NR1H4: variants seen among roughly 807,000 people sequenced by gnomAD.
NR1H4 encodes the protein bile acid receptor.
In NR1H4, 23 loss-of-function variants were observed where a neutral mutation model predicts 58.5. The ratio of observed to expected loss-of-function variants is 0.39; its 90% CI spans 0.28 to 0.56. NR1H4 has a LOEUF of 0.56. NR1H4 is among the 20% of genes least tolerant of loss of function. The pLI, the probability that NR1H4 is intolerant of heterozygous loss-of-function variation, is 0.58. For synonymous variants in NR1H4, 214 were observed against 198.0 expected, an observed-to-expected ratio of 1.08 and a Z score of -0.68; for missense variants, 487 against 576.9, an observed-to-expected ratio of 0.84 and a Z score of 1.60.
chr12:100,475,474 C>G (rs886174241), intron 1 of NR1H4, among the ~76,000 whole-genome samples: 7 of 152,160 alleles, frequency 4.6e-5, no homozygotes, highest in African/African-American at 1.7e-4. Context: ...TACCTCTGCC[C>G]TCTCCTCACA....
rs1202247442 is a variant in NR1H4 at position 100,563,640 on chromosome 12, A to AAT, written c.*154_*155dup. The AAT allele has an allele frequency of 2.1e-5, 15 of 702,782 alleles. 1 individual carries two copies. In the East Asian group the frequency reaches 2.5e-4, roughly 12 times the overall value. The allele number at this position is 702,782 out of a possible 1,614,324, so 43.5% of individuals were successfully genotyped here. A position where few individuals can be genotyped will look rare whatever the true frequency, so the allele number is the denominator to read the frequency against. On this transcript the variant is annotated 3_prime_UTR_variant, in exon 11 of 11. Coordinates refer to ENST00000392986, the MANE Select transcript of NR1H4 (RefSeq NM_001206979.2). ...TACATGTGTAACTTCCACAACTGTAAATATTGGGCTAGATAGAACAACTTT... is the reference window on the plus strand; with the variant it reads ...TACATGTGTAACTTCCACAACTGTAAATATATTGGGCTAGATAGAACAACTTT...
intron 1 of NR1H4, among the ~76,000 whole-genome samples, chr12:100,476,835 TATG>T (rs1332481879): frequency 6.6e-6 from 1 of 152,122 alleles, no homozygotes; most frequent in Non-Finnish European, 1.5e-5. Context: ...TGCAGTGAGC[TATG>T]ATAATGCCAC....
chr12:100,495,517 G>C (rs1374372943), intron 3 of NR1H4, among the ~76,000 whole-genome samples: 7 of 152,068 alleles, frequency 4.6e-5, no homozygotes, highest in African/African-American at 1.7e-4. Flanking sequence ...TGGATCACGA[G>C]GTCAGGAGAT....
In NR1H4 at chr12:100,543,981, G is replaced by T. The variant is rs113639003; in HGVS notation, c.1078+3163G>T. ...AAGAAAATCCCAGTTGGCCGGGTGC[G>T]GTGGCTCACGCCTCTAATCCCAGCA... On this transcript the variant is annotated intron_variant, in intron 9 of 10. Coordinates refer to ENST00000392986, the MANE Select transcript of NR1H4 (RefSeq NM_001206979.2). 9.2e-5 allele frequency among the ~76,000 whole-genome samples: 14 copies of T among 152,174 alleles called. 1 individual carries two copies. Among genetic ancestry groups the T allele is most frequent in the African/African-American group, 3.4e-4 (14 of 41,524 alleles).
At chr12:100,520,086 C>G (rs1461843282) in intron 4 of NR1H4, among the ~76,000 whole-genome samples, 1 of 152,118 alleles carries the variant, frequency 6.6e-6, no homozygotes, top group Non-Finnish European at 1.5e-5. Context: ...ATGCCTCATG[C>G]CTGCAGGTCT....
chr12:100,515,612 G>A (rs1010425267), intron 4 of NR1H4, among the ~76,000 whole-genome samples: 8 of 152,220 alleles, frequency 5.3e-5, no homozygotes, highest in African/African-American at 1.4e-4. Flanking sequence ...TTAAAGACTG[G>A]CATAAAATAA....
intron 4 of NR1H4, among the ~76,000 whole-genome samples, chr12:100,513,229 G>T (rs186873287): frequency 1.3e-5 from 2 of 152,260 alleles, no homozygotes; most frequent in East Asian, 1.9e-4. Context: ...TAGTAAATAT[G>T]GAATGTCTTT....
intron 8 of NR1H4, 82 bp downstream of exon 8, chr12:100,537,129 G>C: frequency 1.1e-6 from 1 of 890,596 alleles, no homozygotes; most frequent in Non-Finnish European, 1.8e-6. Context: ...TTTACATACG[G>C]TGTTTTAATT....
chr12:100,526,433 G>A (rs1036232496), intron 4 of NR1H4, among the ~76,000 whole-genome samples: 3 of 151,932 alleles, frequency 2.0e-5, no homozygotes, highest in Admixed American at 2.0e-4. Context: ...TGCATTATGT[G>A]TAACCTTTTA....
At chr12:100,534,452 G>A (rs1251613346) in intron 5 of NR1H4, among the ~76,000 whole-genome samples, 1 of 152,064 alleles carries the variant, frequency 6.6e-6, no homozygotes, top group Admixed American at 6.5e-5. Flanking sequence ...TAATATTAAT[G>A]GCATGTTTTA....
intron 3 of NR1H4, among the ~76,000 whole-genome samples, chr12:100,501,641 T>C (rs1953836714): frequency 6.6e-6 from 1 of 152,208 alleles, no homozygotes; most frequent in Non-Finnish European, 1.5e-5. Context: ...AGATAATGCA[T>C]ATGGAACCGC....
intron 4 of NR1H4, among the ~76,000 whole-genome samples, chr12:100,513,575 A>C (rs1039435478): frequency 1.3e-5 from 2 of 152,152 alleles, no homozygotes; most frequent in African/African-American, 4.8e-5. Flanking sequence ...TGGGGGGATC[A>C]CCTAAGGTCA....
intron 3 of NR1H4, chr12:100,499,846 T>A (rs1953794410): frequency 4.4e-6 from 2 of 455,942 alleles, no homozygotes; most frequent in Non-Finnish European, 8.8e-6. Flanking sequence ...TTTAGATTTG[T>A]TAACAGATTT....
Position 100,561,878 on chromosome 12 carries a change from C to T in NR1H4, c.1079-7C>T, listed in dbSNP as rs1955483785. 1 of 1,109,838 alleles carries T rather than the reference C, an allele frequency of 9.0e-7. No individual in the cohort carries two copies. The highest frequency in any genetic ancestry group is 1.5e-5 in the African/African-American group (1 of 65,062). 68.7% of individuals were successfully genotyped at this position (1,109,838 alleles called of 1,614,324 possible). On this transcript the variant is annotated splice_polypyrimidine_tract_variant and splice_region_variant and intron_variant, in intron 9 of 10. Coordinates refer to ENST00000392986, the MANE Select transcript of NR1H4 (RefSeq NM_001206979.2). ...AATTGTATTATGATTGCAACTTTCC[C>T]CCACAGGTATCTCTGATGAATATAT...
intron 3 of NR1H4, among the ~76,000 whole-genome samples, chr12:100,497,899 A>G (rs1210816208): frequency 6.6e-6 from 1 of 152,234 alleles, no homozygotes; most frequent in East Asian, 1.9e-4. Context: ...TTTAGAGACT[A>G]AAGAGACAAA....
intron 1 of NR1H4, among the ~76,000 whole-genome samples, chr12:100,475,140 T>C (rs113477654): frequency 5.8e-5 from 7 of 119,746 alleles, no homozygotes; most frequent in South Asian, 2.9e-4. Context: ...TATCTATCTA[T>C]CTATCTATCT....
At chr12:100,560,340 C>T (rs1955439639) in intron 9 of NR1H4, among the ~76,000 whole-genome samples, 1 of 152,176 alleles carries the variant, frequency 6.6e-6, no homozygotes, top group Non-Finnish European at 1.5e-5. Context: ...TTCTTTCGCT[C>T]TTTGCAATAA....
At chr12:100,475,462 C>T (rs1422517642) in intron 1 of NR1H4, among the ~76,000 whole-genome samples, 5 of 152,186 alleles carry the variant, frequency 3.3e-5, no homozygotes, top group East Asian at 1.9e-4. Context: ...TTTCCCACCA[C>T]GTACCTCTGC....
rs949241223 is a variant in NR1H4 at position 100,492,639 on chromosome 12, T to A, written c.-55+2T>A. The A allele has an allele frequency of 2.0e-5, 3 of 152,210 alleles. No individual in the cohort carries two copies. Among genetic ancestry groups the A allele is most frequent in the African/African-American group, 7.2e-5 (3 of 41,460 alleles). The allele number at this position is 152,210 out of a possible 1,614,324, so 9.4% of individuals were successfully genotyped here. A position where few individuals can be genotyped will look rare whatever the true frequency, so the allele number is the denominator to read the frequency against. On this transcript the variant is annotated splice_donor_variant, in intron 2 of 10. Coordinates refer to ENST00000392986, the MANE Select transcript of NR1H4 (RefSeq NM_001206979.2). LOFTEE classifies it low-confidence loss of function (5UTR_SPLICE). ...CAAGATGAAACTTCAGACACTTTGG[T>A]GAGATTTACCATTATTTTTCTTCTT... is the stretch of plus-strand genomic sequence containing the variant.
Sources: allele counts gnomAD v4.1 joint callset (sites outside exome capture counted in the v4.1 genomes callset), GRCh38; gene constraint gnomAD v4.1.1; transcripts MANE v1.5; gene names NCBI Gene and HGNC (gene_info 2026-07-23, HGNC 2026-07-21).